The following AUTS2 variants were observed in gnomAD, a reference collection of about 807,000 sequenced individuals.
AUTS2 encodes activator of transcription and developmental regulator AUTS2, also known as autism susceptibility gene 2 protein.
In AUTS2, 17 loss-of-function variants were observed where a neutral mutation model predicts 112.4. The observed-to-expected ratio is 0.15, with a 90% CI of 0.10 to 0.23. The LOEUF (loss-of-function observed/expected upper bound fraction) is 0.23, where lower values mean the gene tolerates loss of function less well. AUTS2 is among the 10% of genes least tolerant of loss of function. AUTS2 has a pLI of 1.00. For missense variants in AUTS2, 1,510 were observed against 1,701.6 expected (o/e 0.89, Z 1.98); for synonymous variants, 751 against 702.7 (o/e 1.07, Z -1.09).
intron 2 of AUTS2, among the ~76,000 whole-genome samples, chr7:70,059,657 A>C (rs1421635008): frequency 2.6e-5 from 4 of 152,174 alleles, no homozygotes; most frequent in African/African-American, 9.7e-5. Context: ...GAGGAGGTAC[A>C]TCGTACTGTG....
At chr7:70,132,309 C>T (rs1295885834) in intron 3 of AUTS2, among the ~76,000 whole-genome samples, 1 of 151,896 alleles carries the variant, frequency 6.6e-6, no homozygotes, top group Admixed American at 6.6e-5. Context: ...TGTCTGTGTT[C>T]CCTCGTGTGT....
At chr7:70,056,430 A>G (rs1584648753) in intron 2 of AUTS2, among the ~76,000 whole-genome samples, 1 of 152,004 alleles carries the variant, frequency 6.6e-6, no homozygotes, top group East Asian at 1.9e-4. Flanking sequence ...CCTCCATATC[A>G]TTCATTCCTC....
chr7:69,800,551 C>G (rs894349939), intron 1 of AUTS2, among the ~76,000 whole-genome samples: 1 of 152,168 alleles, frequency 6.6e-6, no homozygotes, highest in Admixed American at 6.5e-5. Context: ...AGTACTTACT[C>G]CAGTTTGATA....
intron 1 of AUTS2, among the ~76,000 whole-genome samples, chr7:69,852,160 G>A (rs1388200616): frequency 6.6e-6 from 1 of 152,000 alleles, no homozygotes; most frequent in Non-Finnish European, 1.5e-5. Flanking sequence ...TCTATTCTTG[G>A]TTTTTATAAA....
At chr7:70,435,817 A>T in intron 5 of AUTS2, 36 bp downstream of exon 5, 1 of 1,607,282 alleles carries the variant, frequency 6.2e-7, no homozygotes, top group Admixed American at 1.7e-5. Context: ...GGCACAGCAC[A>T]TAACACACTG....
chr7:70,334,109 G>A (rs1790881116), intron 4 of AUTS2, among the ~76,000 whole-genome samples: 1 of 152,156 alleles, frequency 6.6e-6, no homozygotes, highest in Admixed American at 6.5e-5. Context: ...GCCCTGGGTA[G>A]AACTTCCAGT....
rs117067001 is a variant in AUTS2, at chr7:70,546,226, T to C, written c.690+110445T>C. On this transcript the variant is annotated intron_variant, in intron 5 of 18. Transcript: ENST00000342771. The stretch of plus-strand genomic sequence containing the variant: ...TGGGAGGCTGAGGAATGTGGATTAC[T>C]TGAGGTCAGGATTTCCAGACCAAGC... Among the ~76,000 whole-genome samples, 78 of 149,846 alleles carry C rather than the reference T, an allele frequency of 5.2e-4. 1 individual carries two copies. In the East Asian group the frequency reaches 0.015, roughly 29 times the overall value.
In AUTS2 at chr7:69,726,731, C is replaced by T. The variant is rs181131006; in HGVS notation, c.309+126769C>T. ...TTTGGTATGATAAGTCTTTTTAATTCTAGCCATTCTAATGGGCATAATATG... is the reference window on the plus strand; with the variant it reads ...TTTGGTATGATAAGTCTTTTTAATTTTAGCCATTCTAATGGGCATAATATG... On this transcript the variant is annotated intron_variant, in intron 1 of 18. Coordinates refer to ENST00000342771, the MANE Select transcript of AUTS2 (RefSeq NM_015570.4). 7.4e-4 allele frequency among the ~76,000 whole-genome samples: 113 copies of T among 152,226 alleles called. 1 individual carries two copies. In the Middle Eastern group the frequency reaches 0.014, roughly 18 times the overall value.
intron 5 of AUTS2, among the ~76,000 whole-genome samples, chr7:70,443,755 A>G (rs1263931416): frequency 6.6e-6 from 1 of 152,176 alleles, no homozygotes; most frequent in Non-Finnish European, 1.5e-5. Context: ...TGATGAACTG[A>G]CATGAGAATT....
chr7:70,408,179 GA>G lies in AUTS2; in HGVS notation c.661-27559del, dbSNP rs773854684. On this transcript the variant is annotated intron_variant, in intron 4 of 18. Transcript: ENST00000342771. ...CTGGGTGACAGAGCGAGACCCTGTG[GA>G]AAAAAAAAAAAAAGAATACAGTGGC... 4.3e-3 allele frequency among the ~76,000 whole-genome samples: 585 copies of G among 136,960 alleles called. 2 individuals are homozygous for G. The highest frequency in any genetic ancestry group is 0.01 in the African/African-American group (378 of 37,746). 89.9% of individuals were successfully genotyped at this position (136,960 alleles called of 152,430 possible). A position where few individuals can be genotyped will look rare whatever the true frequency, so the allele number is the denominator to read the frequency against.
chr7:69,789,938 AT>A (rs144263900), intron 1 of AUTS2, among the ~76,000 whole-genome samples: 7,261 of 152,212 alleles, frequency 0.048, 261 homozygotes, highest in East Asian at 0.13. Flanking sequence ...TTAAATAAAT[AT>A]CTTTTTTTTC....
chr7:70,311,468 G>A (rs999125910), intron 4 of AUTS2, among the ~76,000 whole-genome samples: 3 of 152,220 alleles, frequency 2.0e-5, no homozygotes, highest in African/African-American at 7.2e-5. Flanking sequence ...GCTGACGCCA[G>A]TAGGGTATAA....
chr7:70,299,864 G>C (rs1789124128), intron 4 of AUTS2, among the ~76,000 whole-genome samples: 1 of 151,722 alleles, frequency 6.6e-6, no homozygotes, highest in African/African-American at 2.4e-5. Flanking sequence ...TGATAATAGG[G>C]ATCAGCCAGT....
chr7:70,020,920 C>G (rs763566394), intron 2 of AUTS2, among the ~76,000 whole-genome samples: 1 of 152,220 alleles, frequency 6.6e-6, no homozygotes, highest in Non-Finnish European at 1.5e-5. Flanking sequence ...ATTCTCCCAC[C>G]TTGATCTCCC....
At chr7:69,810,158 C>T (rs962320939) in intron 1 of AUTS2, among the ~76,000 whole-genome samples, 17 of 152,208 alleles carry the variant, frequency 1.1e-4, no homozygotes, top group Non-Finnish European at 5.9e-5. Flanking sequence ...ATGCCCACCT[C>T]TCTTGTCCTT....
intron 6 of AUTS2, among the ~76,000 whole-genome samples, chr7:70,758,136 T>A (rs921617543): frequency 1.3e-5 from 2 of 152,104 alleles, no homozygotes; most frequent in Non-Finnish European, 2.9e-5. Context: ...TTCCCTCCAT[T>A]TTCCACAAAA....
intron 5 of AUTS2, among the ~76,000 whole-genome samples, chr7:70,480,934 A>G (rs1232999294): frequency 6.6e-6 from 1 of 152,156 alleles, no homozygotes; most frequent in East Asian, 1.9e-4. Context: ...AGGGAGGGAA[A>G]CTGCTGAGGA....
rs58971469 is a variant in AUTS2, at chr7:70,479,033, C to CT, written c.690+43263dup. 8.0e-3 allele frequency among the ~76,000 whole-genome samples: 1,165 copies of CT among 146,216 alleles called. 7 individuals are homozygous for CT. Among genetic ancestry groups the CT allele is most frequent in the Middle Eastern group, 0.018 (5 of 284 alleles). On this transcript the variant is annotated intron_variant, in intron 5 of 18. Transcript: ENST00000342771. ...AGAGAAAATTTAATTACCCAGTCTA[C>CT]TTTTTTTTTTTCTATCTCAGTAGTT...
intron 4 of AUTS2, among the ~76,000 whole-genome samples, chr7:70,150,788 A>G (rs1478741493): frequency 6.6e-6 from 1 of 152,210 alleles, no homozygotes; most frequent in African/African-American, 2.4e-5. Context: ...TTAATCCCTA[A>G]TATGCCAGGT....
Sources: allele counts gnomAD v4.1 joint callset (sites outside exome capture counted in the v4.1 genomes callset), GRCh38; gene constraint gnomAD v4.1.1; transcripts MANE v1.5; gene names NCBI Gene and HGNC (gene_info 2026-07-23, HGNC 2026-07-21).